The following NELL2 variants were observed in gnomAD, a reference collection of about 807,000 sequenced individuals.
NELL2 encodes neural EGFL like 2, also known as protein kinase C-binding protein NELL2.
In NELL2, 41 loss-of-function variants were observed where a neutral mutation model predicts 109.6. That is an observed-to-expected ratio of 0.37 (90% CI 0.29 to 0.49). NELL2 has a LOEUF of 0.49. Ranked by LOEUF, NELL2 falls within the 20% of genes least tolerant of loss-of-function variation. The pLI is 0.98. For missense variants in NELL2, 900 were observed against 1,008.3 expected (o/e 0.89, Z 1.45); for synonymous variants, 355 against 344.7 (o/e 1.03, Z -0.33).
chr12:44,887,791 C>A (rs1285900842), intron 1 of NELL2, among the ~76,000 whole-genome samples: 1 of 151,832 alleles, frequency 6.6e-6, no homozygotes. Flanking sequence ...TTGTCTCTTT[C>A]GTTTTGTTGA....
intron 13 of NELL2, among the ~76,000 whole-genome samples, chr12:44,657,888 A>AT (rs2136326563): frequency 6.6e-6 from 1 of 152,328 alleles, no homozygotes; most frequent in African/African-American, 2.4e-5. Flanking sequence ...ATTGATGGAC[A>AT]TTTGGGTTGG....
chr12:44,788,583 A>G (rs1266846473), intron 3 of NELL2, among the ~76,000 whole-genome samples: 1 of 152,182 alleles, frequency 6.6e-6, no homozygotes, highest in Non-Finnish European at 1.5e-5. Flanking sequence ...GCCCAGAGGC[A>G]TGGGGGAAGA....
At chr12:44,733,612 T>A (rs1353890209) in intron 9 of NELL2, among the ~76,000 whole-genome samples, 1 of 151,916 alleles carries the variant, frequency 6.6e-6, no homozygotes, top group Non-Finnish European at 1.5e-5. Flanking sequence ...TCATGAAAGA[T>A]GAGAAAGTCC....
rs146936717 is a variant in NELL2 at position 44,522,008 on chromosome 12, G to T, written c.2167C>A (p.Arg723Ser). 2.4e-5 allele frequency: 39 copies of T among 1,612,864 alleles called. No homozygotes were observed. In the African/African-American group the frequency reaches 4.3e-4, roughly 18 times the overall value. ...DTWVQNCQQC[R>S]CLQGEVDCWP... is the part of the protein sequence containing the mutation. ...CATGTAGCTAAATTTACCAAGCAGC[G>T]GCACTGTTGACAATTCTGGACCCAG... is the stretch of plus-strand genomic sequence containing the variant. The change falls in exon 18 of 20, where the codon CGC (arginine) becomes AGC (serine). Residue 723 changes from arginine to serine, a missense_variant. Coordinates refer to ENST00000429094, the MANE Select transcript of NELL2 (RefSeq NM_001145108.2).
At chr12:44,641,687 TC>T (rs1946861802) in intron 13 of NELL2, among the ~76,000 whole-genome samples, 1 of 145,408 alleles carries the variant, frequency 6.9e-6, no homozygotes, top group African/African-American at 2.6e-5. Flanking sequence ...TACTAGTTTC[TC>T]CTTTTTTTTT....
chr12:44,701,355 A>T (rs1949222981), intron 12 of NELL2, among the ~76,000 whole-genome samples: 1 of 152,130 alleles, frequency 6.6e-6, no homozygotes, highest in South Asian at 2.1e-4. Context: ...TATTTAAATG[A>T]CAATTAGTAT....
chr12:44,912,148 A>G (rs1945787256), intron 1 of NELL2, among the ~76,000 whole-genome samples: 1 of 151,994 alleles, frequency 6.6e-6, no homozygotes, highest in Non-Finnish European at 1.5e-5. Context: ...ATGAAAATGC[A>G]TGGAACATTT....
At chr12:44,649,464 C>T (rs957028165) in intron 13 of NELL2, among the ~76,000 whole-genome samples, 8 of 152,264 alleles carry the variant, frequency 5.3e-5, no homozygotes, top group African/African-American at 9.6e-5. Flanking sequence ...GAATTCTGAA[C>T]GTAGAGTGAG....
chr12:44,542,760 C>T (rs1334932776), intron 15 of NELL2, among the ~76,000 whole-genome samples: 1 of 152,096 alleles, frequency 6.6e-6, no homozygotes, highest in Non-Finnish European at 1.5e-5. Flanking sequence ...TGGGCCACTA[C>T]AAGTATTATG....
intron 13 of NELL2, among the ~76,000 whole-genome samples, chr12:44,641,857 C>T (rs574936192): frequency 3.2e-4 from 49 of 152,012 alleles, no homozygotes; most frequent in African/African-American, 1.1e-3. Context: ...CTGCCATGCC[C>T]GGCTAACGTT....
At chr12:44,900,337 T>C (rs1945646515) in intron 1 of NELL2, among the ~76,000 whole-genome samples, 1 of 151,974 alleles carries the variant, frequency 6.6e-6, no homozygotes, top group African/African-American at 2.4e-5. Context: ...TCACACTTAT[T>C]CTAAAATTGA....
At chr12:44,755,266 G>A (rs1429347196) in intron 9 of NELL2, among the ~76,000 whole-genome samples, 1 of 152,120 alleles carries the variant, frequency 6.6e-6, no homozygotes, top group African/African-American at 2.4e-5. Context: ...ATACACATCT[G>A]TACTTCAGAG....
intron 9 of NELL2, among the ~76,000 whole-genome samples, chr12:44,767,667 CTATA>C (rs1254651684): frequency 6.6e-6 from 1 of 152,024 alleles, no homozygotes; most frequent in African/African-American, 2.4e-5. Flanking sequence ...AAATAATAAA[CTATA>C]TAGTGGGATA....
intron 2 of NELL2, among the ~76,000 whole-genome samples, chr12:44,854,095 T>G (rs1268318098): frequency 1.3e-5 from 2 of 152,198 alleles, no homozygotes; most frequent in Admixed American, 6.5e-5. Context: ...AAAATATAGG[T>G]TACGTTCTGC....
chr12:44,522,719 A>C (rs574612275), intron 17 of NELL2: 1 of 153,786 alleles, frequency 6.5e-6, no homozygotes, highest in South Asian at 2.0e-4. Flanking sequence ...AGGTACATAT[A>C]ACAGAATACC....
At chr12:44,652,989 G>T (rs552834920) in intron 13 of NELL2, among the ~76,000 whole-genome samples, 30 of 152,296 alleles carry the variant, frequency 2.0e-4, no homozygotes, top group Non-Finnish European at 1.5e-5. Flanking sequence ...CATGTGATTA[G>T]ATTGGGACCA....
intron 9 of NELL2, among the ~76,000 whole-genome samples, chr12:44,720,219 G>A (rs1190086460): frequency 2.6e-5 from 4 of 152,050 alleles, no homozygotes; most frequent in African/African-American, 9.7e-5. Context: ...TCTTATCTCA[G>A]GACAGAGTGT....
chr12:44,862,835 C>T (rs1944880572), intron 2 of NELL2, among the ~76,000 whole-genome samples: 3 of 150,954 alleles, frequency 2.0e-5, no homozygotes, highest in African/African-American at 7.3e-5. Flanking sequence ...AATATATAGT[C>T]AGAAAAGAAA....
chr12:44,760,898 G>A (rs556461828), intron 9 of NELL2, among the ~76,000 whole-genome samples: 7 of 152,160 alleles, frequency 4.6e-5, no homozygotes, highest in South Asian at 2.1e-4. Flanking sequence ...AATCAATTAC[G>A]TGAAATTTTA....
Sources: allele counts gnomAD v4.1 joint callset (sites outside exome capture counted in the v4.1 genomes callset), GRCh38; gene constraint gnomAD v4.1.1; transcripts MANE v1.5; gene names NCBI Gene and HGNC (gene_info 2026-07-23, HGNC 2026-07-21).